PRDM8: variants seen among roughly 807,000 people sequenced by gnomAD.
PRDM8 encodes the protein PR/SET domain 8, also known as PR domain zinc finger protein 8.
In PRDM8, 13 loss-of-function variants were observed where a neutral mutation model predicts 46.5. That is an observed-to-expected ratio of 0.28 (90% CI 0.18 to 0.44). PRDM8 has a LOEUF of 0.44. Ranked by LOEUF, PRDM8 falls within the 20% of genes least tolerant of loss-of-function variation. The pLI is 1.00. For missense variants in PRDM8, 998 were observed against 955.0 expected (o/e 1.04, Z -0.59); for synonymous variants, 473 against 438.4 (o/e 1.08, Z -0.98).
chr4:80,203,645 A>G lies in PRDM8; in HGVS notation c.*113A>G. On this transcript the variant is annotated 3_prime_UTR_variant, in exon 4 of 4. Coordinates refer to ENST00000415738, the MANE Select transcript of PRDM8 (RefSeq NM_001099403.2). The stretch of plus-strand genomic sequence containing the variant: ...TTGCACCCCGAAACCCTGCACAAAG[A>G]CACATACATTCACCGCCCCCCCGCC... 1 of 1,437,838 alleles carries G rather than the reference A, an allele frequency of 7.0e-7. No homozygotes were observed. The highest frequency in any genetic ancestry group is 9.1e-7 in the Non-Finnish European group (1 of 1,096,568). 89.1% of individuals were successfully genotyped at this position (1,437,838 alleles called of 1,614,324 possible).
chr4:80,185,619 G>A (rs1737016628), intron 1 of PRDM8: 1 of 152,296 alleles, frequency 6.6e-6, no homozygotes, highest in South Asian at 2.1e-4. Flanking sequence ...GGTCTCTTCC[G>A]AAGGCTTAGG....
At chr4:80,194,179 A>G (rs1299304615), upstream of PRDM8, 14 of 980,482 alleles carry the variant, frequency 1.4e-5, no homozygotes, top group African/African-American at 1.7e-5. Flanking sequence ...AAATAACACT[A>G]CAGTTTCCTA....
intron 2 of PRDM8, among the ~76,000 whole-genome samples, chr4:80,192,224 A>G (rs754362852): frequency 1.3e-5 from 2 of 152,144 alleles, no homozygotes; most frequent in Non-Finnish European, 2.9e-5. Flanking sequence ...GCTAACTGGG[A>G]TTAGATGTCA....
In PRDM8 at chr4:80,189,452, T is replaced by G. The variant is rs1018750080; in HGVS notation, c.-982-2020T>G. Reference sequence around the variant, plus strand: ...GGGGTGGGAGGTGCGCGGTGCGGGCTGGGAAAGAGGGAAGGGATGACTGCC... The same window carrying G: ...GGGGTGGGAGGTGCGCGGTGCGGGCGGGGAAAGAGGGAAGGGATGACTGCC... On this transcript the variant is annotated intron_variant, in intron 1 of 9. Coordinates refer to the PRDM8 transcript ENST00000339711. 2.0e-5 allele frequency among the ~76,000 whole-genome samples: 3 copies of G among 152,046 alleles called. No individual in the cohort carries two copies. In the East Asian group the frequency reaches 5.8e-4, roughly 29 times the overall value.
chr4:80,202,095 CCAG>C lies in PRDM8; in HGVS notation c.649_651del (p.Gln217del), dbSNP rs748593482. The C allele has an allele frequency of 9.1e-5, 141 of 1,543,848 alleles. No individual in the cohort carries two copies. The highest frequency in any genetic ancestry group is 1.7e-4 in the East Asian group (7 of 42,318). ...GGGGCGGCGGCGGCGGTGGCAAAGA[CCAG>C]CAGCAGCAGCAGCAGGAGGCACCTT... On this transcript the variant is annotated inframe_deletion, in exon 4 of 4. Transcript: ENST00000415738.
At chr4:80,185,310 G>A (rs1332645526) in exon 1 of PRDM8, 1 of 152,160 alleles carries the variant, frequency 6.6e-6, no homozygotes, top group African/African-American at 2.4e-5. Context: ...TCCCTTACAC[G>A]AGCAAATGCG....
chr4:80,197,114 G>C, upstream of PRDM8: 3 of 985,472 alleles, frequency 3.0e-6, no homozygotes, highest in Non-Finnish European at 3.6e-6. Flanking sequence ...CGCGGACTCC[G>C]GGGAAATACG....
Position 80,204,183 on chromosome 4 carries a change from T to C in PRDM8, c.*651T>C, listed in dbSNP as rs1338997360. ...CAATTATGTACATATGTATTTTCTT[T>C]TAATACAAAGTGTAATTTTGTGCCA... On this transcript the variant is annotated 3_prime_UTR_variant, in exon 4 of 4. Transcript: ENST00000415738. 6.5e-6 allele frequency: 1 copy of C among 152,692 alleles called. No individual in the cohort carries two copies. The highest frequency in any genetic ancestry group is 2.4e-5 in the African/African-American group (1 of 41,470). 9.5% of individuals were successfully genotyped at this position (152,692 alleles called of 1,614,324 possible). A position where few individuals can be genotyped will look rare whatever the true frequency, so the allele number is the denominator to read the frequency against.
chr4:80,199,737 G>A (rs7654761), intron 1 of PRDM8, among the ~76,000 whole-genome samples: 96 of 140,490 alleles, frequency 6.8e-4, no homozygotes, highest in African/African-American at 9.9e-4. Flanking sequence ...GTGTGTGTGT[G>A]TACATATATA....
chr4:80,203,239 G>C lies in PRDM8; in HGVS notation c.1777G>C (p.Ala593Pro), dbSNP rs1461303254. 5 of 1,554,582 alleles carry C rather than the reference G, an allele frequency of 3.2e-6. No homozygotes were observed. The highest frequency in any genetic ancestry group is 4.3e-6 in the Non-Finnish European group (5 of 1,152,184). Residue 593 changes from alanine (A) to proline (P), a missense_variant, in exon 4 of 4, where the codon GCT (alanine) becomes CCT (proline). Physicochemically the swap from Ala to Pro is conservative, Grantham distance 27. Coordinates refer to ENST00000415738, the MANE Select transcript of PRDM8 (RefSeq NM_001099403.2). ...PKSSAAAAAA[A>P]AAAAAGPLQL... Reference sequence around the variant, plus strand: ...GAGCTCCGCTGCCGCTGCAGCCGCGGCTGCGGCGGCGGCCGCGGGGCCCTT... The same window carrying C: ...GAGCTCCGCTGCCGCTGCAGCCGCGCCTGCGGCGGCGGCCGCGGGGCCCTT...
chr4:80,185,485 AG>A (rs1737001473), exon 1 of PRDM8: 1 of 152,362 alleles, frequency 6.6e-6, no homozygotes, highest in African/African-American at 2.4e-5. Context: ...CTCACCGGCA[AG>A]GAGCCCGGAA....
At chr4:80,191,669 G>C (rs1005287804) in intron 2 of PRDM8, 5 of 152,184 alleles carry the variant, frequency 3.3e-5, no homozygotes, top group Non-Finnish European at 7.3e-5. Flanking sequence ...AGTATTAGCA[G>C]TGAGGAAAGA....
intron 2 of PRDM8, 70 bp downstream of exon 2, chr4:80,200,369 A>T: frequency 7.2e-7 from 1 of 1,388,764 alleles, no homozygotes; most frequent in Non-Finnish European, 1.0e-6. Context: ...AAAAATAATT[A>T]TAATGACAAG....
Position 80,202,043 on chromosome 4 carries a change from G to A in PRDM8, c.581G>A (p.Gly194Asp), listed in dbSNP as rs771063641. The A allele has an allele frequency of 2.4e-5, 39 of 1,613,978 alleles. No individual in the cohort carries two copies. The highest frequency in any genetic ancestry group is 1.6e-4 in the Middle Eastern group (1 of 6,084). The part of the protein sequence containing the change: ...SADISPQDEQ[G>D]GGVGTKDHGG... ...GATATAAGTCCCCAAGACGAACAAG[G>A]CGGCGGCGTGGGCACCAAGGACCAC... The change falls in exon 4 of 4, where the codon GGC becomes GAC. Residue 194 changes from glycine to aspartate, a missense_variant. Physicochemically the swap from Gly to Asp is moderately conservative, Grantham distance 94. Coordinates refer to ENST00000415738, the MANE Select transcript of PRDM8 (RefSeq NM_001099403.2).
rs1440701741 is a variant in PRDM8, at chr4:80,203,120, C to G, written c.1658C>G (p.Ala553Gly). The G allele has an allele frequency of 6.4e-7, 1 of 1,564,636 alleles. No homozygotes were observed. Among genetic ancestry groups the G allele is most frequent in the Admixed American group, 1.8e-5 (1 of 55,790 alleles). ...CTAGCGGTGAAGCTCCAGGGGGCCGCGGACCTGAACGGAGGTTGCGGGTCC... is the reference window on the plus strand; with the variant it reads ...CTAGCGGTGAAGCTCCAGGGGGCCGGGGACCTGAACGGAGGTTGCGGGTCC... Reference protein sequence around the residue: ...DPLAVKLQGAADLNGGCGSLP... With the variant: ...DPLAVKLQGAGDLNGGCGSLP... Residue 553 changes from alanine to glycine, a missense_variant, in exon 4 of 4, where the codon GCG (alanine) becomes GGG (glycine). Ala to Gly is a moderately conservative substitution (Grantham distance 60). Transcript: ENST00000415738.
upstream of PRDM8, chr4:80,194,331 C>A (rs1366993597): frequency 3.5e-6 from 2 of 574,382 alleles, no homozygotes; most frequent in Non-Finnish European, 4.4e-6. Context: ...TGCATAAACC[C>A]ATTGTTCCAT....
At chr4:80,198,897 G>T (rs1738175011) in intron 1 of PRDM8, among the ~76,000 whole-genome samples, 1 of 149,780 alleles carries the variant, frequency 6.7e-6, no homozygotes, top group Non-Finnish European at 1.5e-5. Flanking sequence ...AAACTTGGAG[G>T]AATATTTTGA....
chr4:80,203,088 G>A lies in PRDM8; in HGVS notation c.1626G>A (p.Ala542=). The A allele has an allele frequency of 6.4e-7, 1 of 1,570,048 alleles. No individual in the cohort carries two copies. The highest frequency in any genetic ancestry group is 8.6e-7 in the Non-Finnish European group (1 of 1,167,180). The change falls in exon 4 of 4, where the codon GCG becomes GCA. Residue 542 remains alanine (A), a synonymous_variant. Coordinates refer to ENST00000415738, the MANE Select transcript of PRDM8 (RefSeq NM_001099403.2). ...VGPTRLYPAA[A]DPLAVKLQGA... ...CCACCAGACTCTATCCCGCCGCCGC[G>A]GACCCTCTAGCGGTGAAGCTCCAGG...
upstream of PRDM8, chr4:80,196,685 G>A (rs1737984518): frequency 1.1e-6 from 1 of 949,752 alleles, no homozygotes; most frequent in East Asian, 1.2e-4. Context: ...GACTCCCTCT[G>A]GGGCTGCGCA....
Sources: gnomAD v4.1 joint callset for allele counts (sites outside exome capture counted in the v4.1 genomes callset) on GRCh38, gnomAD v4.1.1 for gene constraint, MANE v1.5 for transcripts, NCBI Gene and HGNC (gene_info 2026-07-23, HGNC 2026-07-21) for gene names.